CTNNA3: variants seen among roughly 807,000 people sequenced by gnomAD.
CTNNA3 encodes the protein catenin alpha-3.
A neutral mutation model predicts 95.7 loss-of-function variants in CTNNA3; 76 were observed. The observed-to-expected ratio is 0.79, with a 90% CI of 0.66 to 0.96. The LOEUF (loss-of-function observed/expected upper bound fraction) is 0.96, where lower values mean the gene tolerates loss of function less well. Ranked by LOEUF, CTNNA3 falls within the 40% of genes least tolerant of loss-of-function variation. The probability of loss-of-function intolerance (pLI) is 0.00; values close to 1 mark genes in which losing one functional copy is unlikely to be tolerated. For synonymous variants in CTNNA3, 431 were observed against 374.4 expected (o/e 1.15, Z -1.74); for missense variants, 1,191 against 1,089.8 (o/e 1.09, Z -1.31).
At chr10:66,647,511 C>CT (rs59117038) in intron 9 of CTNNA3, among the ~76,000 whole-genome samples, 58,686 of 146,390 alleles carry the variant, frequency 0.4, 12,733 homozygotes, top group East Asian at 0.7. Flanking sequence ...AAAAATTACT[C>CT]TTTTTTTTTT....
At chr10:66,996,379 C>T (rs1459179251) in intron 7 of CTNNA3, among the ~76,000 whole-genome samples, 2 of 152,134 alleles carry the variant, frequency 1.3e-5, no homozygotes, top group East Asian at 3.9e-4. Flanking sequence ...GGTGCAATGG[C>T]TCACGCCTGT....
At chr10:66,568,764 T>C (rs1025873907) in intron 10 of CTNNA3, among the ~76,000 whole-genome samples, 4 of 151,486 alleles carry the variant, frequency 2.6e-5, no homozygotes, top group Non-Finnish European at 5.9e-5. Context: ...CCAAATCAGA[T>C]GTTAGCAGAA....
At chr10:67,644,030 AT>A (rs1420598315) in intron 2 of CTNNA3, among the ~76,000 whole-genome samples, 1 of 152,068 alleles carries the variant, frequency 6.6e-6, no homozygotes, top group East Asian at 1.9e-4. Context: ...ATGATTTATA[AT>A]CCTTTGGATA....
chr10:66,207,242 T>C (rs966157449), intron 13 of CTNNA3, among the ~76,000 whole-genome samples: 1 of 151,886 alleles, frequency 6.6e-6, no homozygotes, highest in Admixed American at 6.6e-5. Context: ...AAAAGGTATG[T>C]ATTTTGATCC....
At chr10:67,186,027 CAAAAA>C (rs201984879) in intron 6 of CTNNA3, among the ~76,000 whole-genome samples, 1 of 97,434 alleles carries the variant, frequency 1.0e-5, no homozygotes. Flanking sequence ...CTCCGTCTCA[CAAAAA>C]AAAAAAAAAA....
chr10:66,556,193 A>C (rs1842383625), intron 10 of CTNNA3, among the ~76,000 whole-genome samples: 1 of 152,060 alleles, frequency 6.6e-6, no homozygotes, highest in South Asian at 2.1e-4. Flanking sequence ...GATGAATATT[A>C]TACAAAAAAT....
chr10:67,687,787 C>T (rs1378259077), intron 1 of CTNNA3, among the ~76,000 whole-genome samples: 1 of 152,136 alleles, frequency 6.6e-6, no homozygotes, highest in Non-Finnish European at 1.5e-5. Context: ...GGATTTTCTT[C>T]CTTTCCCTGA....
intron 5 of CTNNA3, among the ~76,000 whole-genome samples, chr10:67,443,077 A>C (rs1846592788): frequency 6.7e-6 from 1 of 150,338 alleles, no homozygotes; most frequent in Non-Finnish European, 1.5e-5. Flanking sequence ...TAGTTTACTG[A>C]GAATGATGAT....
intron 5 of CTNNA3, among the ~76,000 whole-genome samples, chr10:67,476,160 C>T (rs1325629738): frequency 1.3e-5 from 2 of 152,164 alleles, no homozygotes; most frequent in Non-Finnish European, 2.9e-5. Flanking sequence ...TTTAAACCCG[C>T]GAGTGCACTT....
At chr10:65,956,834 C>T (rs1056599692) in intron 17 of CTNNA3, among the ~76,000 whole-genome samples, 5 of 152,046 alleles carry the variant, frequency 3.3e-5, no homozygotes, top group Admixed American at 6.6e-5. Flanking sequence ...GGAATAAGTG[C>T]GACGTTGTGC....
chr10:67,490,467 C>T (rs1202516834), intron 5 of CTNNA3, among the ~76,000 whole-genome samples: 2 of 152,032 alleles, frequency 1.3e-5, no homozygotes, highest in Admixed American at 6.5e-5. Context: ...AAAGAGAGAA[C>T]AACCTAGATT....
chr10:66,447,691 C>T (rs191945655), intron 11 of CTNNA3, among the ~76,000 whole-genome samples: 298 of 152,254 alleles, frequency 2.0e-3, no homozygotes, highest in Non-Finnish European at 2.0e-3. Context: ...GGATTAAAGA[C>T]TTAACATGTT....
intron 7 of CTNNA3, among the ~76,000 whole-genome samples, chr10:67,124,089 T>C (rs1449558079): frequency 2.0e-5 from 3 of 152,154 alleles, no homozygotes; most frequent in Non-Finnish European, 4.4e-5. Context: ...AAATCTGTGT[T>C]TCTACATAAA....
chr10:67,383,544 T>C (rs553117907), intron 5 of CTNNA3, among the ~76,000 whole-genome samples: 67 of 152,314 alleles, frequency 4.4e-4, no homozygotes, highest in African/African-American at 1.4e-3. Flanking sequence ...TTACCATTTA[T>C]GTAGTACCAA....
chr10:67,366,256 T>C (rs1221758728), intron 5 of CTNNA3, among the ~76,000 whole-genome samples: 10 of 152,056 alleles, frequency 6.6e-5, no homozygotes, highest in Non-Finnish European at 1.5e-5. Flanking sequence ...ATGCCTAATG[T>C]AAATGACAAG....
chr10:67,133,978 T>G (rs2132026102), intron 7 of CTNNA3, among the ~76,000 whole-genome samples: 1 of 152,194 alleles, frequency 6.6e-6, no homozygotes, highest in African/African-American at 2.4e-5. Context: ...GCCACTACAC[T>G]CAGCTTGATT....
chr10:66,653,098 G>T (rs891343087), intron 9 of CTNNA3, among the ~76,000 whole-genome samples: 10 of 152,172 alleles, frequency 6.6e-5, no homozygotes, highest in African/African-American at 2.4e-4. Flanking sequence ...TCTAACTAAA[G>T]TGCTGTAAGT....
At chr10:67,008,687 TAGGA>T (rs1852150149) in intron 7 of CTNNA3, among the ~76,000 whole-genome samples, 4 of 152,112 alleles carry the variant, frequency 2.6e-5, no homozygotes, top group African/African-American at 7.2e-5. Flanking sequence ...AAGCCCCAGC[TAGGA>T]TAGCACATCT....
At chr10:67,114,692 T>C (rs1425504013) in intron 7 of CTNNA3, among the ~76,000 whole-genome samples, 1 of 128,014 alleles carries the variant, frequency 7.8e-6, no homozygotes, top group Non-Finnish European at 1.6e-5. Context: ...TAAATCACCA[T>C]AGTGATGGTT....
Sources: gnomAD v4.1 joint callset for allele counts (sites outside exome capture counted in the v4.1 genomes callset) on GRCh38, gnomAD v4.1.1 for gene constraint, MANE v1.5 for transcripts, NCBI Gene and HGNC (gene_info 2026-07-23, HGNC 2026-07-21) for gene names.